HMGB1: variants seen among roughly 807,000 people sequenced by gnomAD.
HMGB1 encodes the protein high mobility group box 1, also known as high mobility group protein B1.
For missense variants in HMGB1, 79 were observed against 253.5 expected, an observed-to-expected ratio of 0.31 and a Z score of 4.67; for synonymous variants, 81 against 84.0, an observed-to-expected ratio of 0.96 and a Z score of 0.19.
At chr13:30,580,786 C>G (rs912748913) in intron 1 of HMGB1, among the ~76,000 whole-genome samples, 12 of 152,122 alleles carry the variant, frequency 7.9e-5, no homozygotes, top group African/African-American at 2.9e-4. Flanking sequence ...CAAGAAAGAG[C>G]AAAGATAAGC....
chr13:30,506,440 T>C (rs1385182707), intron 1 of HMGB1, among the ~76,000 whole-genome samples: 1 of 152,108 alleles, frequency 6.6e-6, no homozygotes, highest in South Asian at 2.1e-4. Context: ...TGAGCCAACA[T>C]TTATTGAACC....
At chr13:30,500,282 A>C (rs1887704460) in intron 1 of HMGB1, among the ~76,000 whole-genome samples, 2 of 152,202 alleles carry the variant, frequency 1.3e-5, no homozygotes, top group African/African-American at 4.8e-5. Context: ...AAACTTCTTT[A>C]ATTTGTAAAT....
At chr13:30,476,287 G>A (rs533646671) in intron 1 of HMGB1, among the ~76,000 whole-genome samples, 2 of 152,082 alleles carry the variant, frequency 1.3e-5, no homozygotes, top group Non-Finnish European at 2.9e-5. Flanking sequence ...ACAGGCGCAA[G>A]CCACCACACT....
chr13:30,529,272 T>C (rs556127678), intron 1 of HMGB1, among the ~76,000 whole-genome samples: 3 of 152,072 alleles, frequency 2.0e-5, no homozygotes, highest in Non-Finnish European at 4.4e-5. Context: ...CTCAGAGAGG[T>C]TTCACATCTG....
intron 1 of HMGB1, chr13:30,464,622 G>A (rs1427924894): frequency 9.1e-6 from 9 of 984,004 alleles, no homozygotes; most frequent in East Asian, 1.1e-4. Context: ...GGCGCAGGGA[G>A]AAGCCCCGCT....
chr13:30,530,664 T>C (rs1004505126), intron 1 of HMGB1, among the ~76,000 whole-genome samples: 3 of 152,232 alleles, frequency 2.0e-5, no homozygotes, highest in Non-Finnish European at 4.4e-5. Flanking sequence ...TAGAATATTA[T>C]GCAGTTCTTA....
At chr13:30,552,688 G>A (rs941905168) in intron 1 of HMGB1, among the ~76,000 whole-genome samples, 3 of 152,144 alleles carry the variant, frequency 2.0e-5, no homozygotes, top group East Asian at 1.9e-4. Context: ...CCCAGCATTC[G>A]TTGGTGACTG....
At chr13:30,464,590 C>T (rs949938321) in intron 1 of HMGB1, 31 of 984,374 alleles carry the variant, frequency 3.1e-5, no homozygotes, top group Middle Eastern at 1.0e-3. Context: ...CGCGCCGCCG[C>T]CGCCCCCATT....
intron 1 of HMGB1, among the ~76,000 whole-genome samples, chr13:30,582,966 T>C (rs1870969023): frequency 6.6e-6 from 1 of 152,184 alleles, no homozygotes; most frequent in Non-Finnish European, 1.5e-5. Flanking sequence ...CCACTTGTAC[T>C]ACTGTAGATG....
Position 30,465,835 on chromosome 13 carries a change from C to T in HMGB1, c.-54G>A. 1 of 985,698 alleles carries T rather than the reference C, an allele frequency of 1.0e-6. No homozygotes were observed. Among genetic ancestry groups the T allele is most frequent in the Non-Finnish European group, 1.2e-6 (1 of 829,780 alleles). The allele number at this position is 985,698 out of a possible 1,614,324, so 61.1% of individuals were successfully genotyped here. ...AGAGTCGCCCAGTGCCCGTCCGGCTCTCACTTGCCCCGGTGCTGTCTCTAT... is the reference window on the plus strand; with the variant it reads ...AGAGTCGCCCAGTGCCCGTCCGGCTTTCACTTGCCCCGGTGCTGTCTCTAT... On this transcript the variant is annotated 5_prime_UTR_variant, in exon 1 of 5. Transcript: ENST00000341423.
At chr13:30,505,395 G>C (rs558015207) in intron 1 of HMGB1, among the ~76,000 whole-genome samples, 2 of 151,274 alleles carry the variant, frequency 1.3e-5, no homozygotes, top group Admixed American at 6.6e-5. Flanking sequence ...AGCCAGGATG[G>C]TCTCCATCTC....
intron 1 of HMGB1, among the ~76,000 whole-genome samples, chr13:30,472,118 A>T (rs1886958430): frequency 6.6e-6 from 1 of 152,034 alleles, no homozygotes; most frequent in South Asian, 2.1e-4. Context: ...TCTCTACTAA[A>T]AAGACCAAAA....
chr13:30,462,324 T>A lies in HMGB1; in HGVS notation c.471+214A>T, dbSNP rs907917201. 2.9e-5 allele frequency: 17 copies of A among 591,514 alleles called. No individual in the cohort carries two copies. In the Middle Eastern group the frequency reaches 1.3e-3, roughly 46 times the overall value. 36.6% of individuals were successfully genotyped at this position (591,514 alleles called of 1,614,324 possible). ...ATACTGGGGAATAACAAAACCAACA[T>A]AAATGTACACAGCCTTTGTCTGAGT... On this transcript the variant is annotated intron_variant, in intron 4 of 4. Coordinates refer to ENST00000341423, the MANE Select transcript of HMGB1 (RefSeq NM_002128.7).
intron 1 of HMGB1, among the ~76,000 whole-genome samples, chr13:30,602,624 G>A (rs954379439): frequency 4.6e-5 from 7 of 152,144 alleles, no homozygotes; most frequent in African/African-American, 1.4e-4. Flanking sequence ...GAATTTATAT[G>A]AGTAGCATAG....
chr13:30,587,782 A>G (rs1212204503), intron 1 of HMGB1, among the ~76,000 whole-genome samples: 1 of 152,214 alleles, frequency 6.6e-6, no homozygotes, highest in Non-Finnish European at 1.5e-5. Context: ...ATCAACAACA[A>G]CATGATAGGA....
intron 1 of HMGB1, among the ~76,000 whole-genome samples, chr13:30,473,335 G>A (rs1306232971): frequency 1.3e-5 from 2 of 152,180 alleles, no homozygotes; most frequent in South Asian, 4.1e-4. Context: ...TTACTGGTTA[G>A]TAAGGGGAAA....
intron 1 of HMGB1, among the ~76,000 whole-genome samples, chr13:30,495,166 T>A (rs1232966227): frequency 6.6e-6 from 1 of 152,338 alleles, no homozygotes; most frequent in African/African-American, 2.4e-5. Context: ...ACTATTTCAA[T>A]GGGCTATTCA....
intron 1 of HMGB1, among the ~76,000 whole-genome samples, chr13:30,508,923 T>C (rs886213679): frequency 6.6e-6 from 1 of 152,222 alleles, no homozygotes; most frequent in East Asian, 1.9e-4. Context: ...AATATATTCA[T>C]GAATTAATCC....
At chr13:30,568,451 T>C (rs1320986280) in intron 1 of HMGB1, among the ~76,000 whole-genome samples, 1 of 152,190 alleles carries the variant, frequency 6.6e-6, no homozygotes, top group Non-Finnish European at 1.5e-5. Flanking sequence ...AAGGCTGCAG[T>C]GAGCTATGAT....
Sources: allele counts gnomAD v4.1 joint callset (sites outside exome capture counted in the v4.1 genomes callset), GRCh38; gene constraint gnomAD v4.1.1; transcripts MANE v1.5; gene names NCBI Gene and HGNC (gene_info 2026-07-23, HGNC 2026-07-21).